Variants in DUOX2 observed in about 807,000 individuals in gnomAD.
DUOX2 encodes the protein dual oxidase 2, also known as NADH/NADPH thyroid oxidase p138-tox.
Under a neutral mutation model 183.3 loss-of-function variants are expected in DUOX2, and 185 were observed. The observed-to-expected ratio is 1.01, with a 90% CI of 0.90 to 1.14. The LOEUF (loss-of-function observed/expected upper bound fraction) is 1.14, where lower values mean the gene tolerates loss of function less well. DUOX2 is among the 50% of genes most tolerant of loss of function. DUOX2 has a pLI of 0.00. For missense variants in DUOX2, 1,999 were observed against 2,022.9 expected (o/e 0.99, Z 0.23); for synonymous variants, 788 against 812.4 (o/e 0.97, Z 0.51).
At chr15:45,100,620 T>A (rs770792274) in intron 23 of DUOX2, 135 bp downstream of exon 23, 3 of 838,580 alleles carry the variant, frequency 3.6e-6, no homozygotes, top group Non-Finnish European at 6.3e-6. Flanking sequence ...CACTGTAACC[T>A]CTCAGTCAGG....
At chr15:45,107,992 G>T in intron 13 of DUOX2, 55 bp downstream of exon 13, 2 of 1,608,066 alleles carry the variant, frequency 1.2e-6, no homozygotes, top group Non-Finnish European at 8.5e-7. Flanking sequence ...CTAGACAGAG[G>T]GTCTGGGGCT....
chr15:45,106,811 A>C, intron 15 of DUOX2, 21 bp downstream of exon 15: 1 of 1,598,052 alleles, frequency 6.3e-7, no homozygotes, highest in South Asian at 1.1e-5. Context: ...CAGTCTGCAG[A>C]GAGGCTGCCT....
chr15:45,095,232 G>T (rs1893869906), intron 31 of DUOX2, 141 bp from the exon 32 acceptor site: 1 of 1,408,054 alleles, frequency 7.1e-7, no homozygotes, highest in African/African-American at 1.4e-5. Context: ...CTGATCCCAG[G>T]CTTCCAACTG....
intron 33 of DUOX2, 112 bp from the exon 34 acceptor site, chr15:45,094,384 C>A: frequency 6.4e-7 from 1 of 1,572,940 alleles, no homozygotes; most frequent in Non-Finnish European, 8.7e-7. Context: ...AAGCCCAGGC[C>A]TTGAGGAGGA....
In DUOX2 at chr15:45,099,701, A is replaced by G. The variant is rs1043807777; in HGVS notation, c.3376T>C (p.Phe1126Leu). The change falls in exon 25 of 34, where the codon TTC (phenylalanine) becomes CTC (leucine). Residue 1126 changes from phenylalanine (F) to leucine (L), a missense_variant. By Grantham distance (22) the Phe-to-Leu change is conservative (BLOSUM62 0). Coordinates refer to ENST00000389039, the MANE Select transcript of DUOX2 (RefSeq NM_001363711.2). ...RYVPFDAAVDFHRWIAMAAVV... is the reference protein window; with the variant it reads ...RYVPFDAAVDLHRWIAMAAVV... ...GCAGCCATGGCGATCCAGCGGTGGA[A>G]GTCCACTGCGGCATCAAAAGGCACA... The G allele has an allele frequency of 6.2e-7, 1 of 1,614,222 alleles. No individual in the cohort carries two copies. Among genetic ancestry groups the G allele is most frequent in the South Asian group, 1.1e-5 (1 of 91,084 alleles).
chr15:45,106,408 G>T, intron 16 of DUOX2, 81 bp from the exon 17 acceptor site: 8 of 1,593,954 alleles, frequency 5.0e-6, no homozygotes, highest in Non-Finnish European at 6.9e-6. Flanking sequence ...CTGTGAGTCT[G>T]AGCAGGCGCC....
intron 29 of DUOX2, 88 bp from the exon 30 acceptor site, chr15:45,096,148 C>T (rs1893895274): frequency 8.5e-7 from 1 of 1,172,436 alleles, no homozygotes; most frequent in South Asian, 1.3e-5. Context: ...CTTCACACCC[C>T]TGAGGCCTGG....
intron 21 of DUOX2, 137 bp downstream of exon 21, chr15:45,101,656 C>T (rs578018177): frequency 1.8e-6 from 2 of 1,123,014 alleles, no homozygotes; most frequent in East Asian, 2.5e-5. Context: ...CATGTGCCAT[C>T]CCAATTACAT....
chr15:45,100,810 C>T lies in DUOX2; in HGVS notation c.2950G>A (p.Ala984Thr), dbSNP rs138358075. Residue 984 changes from alanine (A) to threonine (T), a missense_variant, in exon 23 of 34, where the codon GCC becomes ACC. By Grantham distance (58) the Ala-to-Thr change is moderately conservative. Coordinates refer to ENST00000389039, the MANE Select transcript of DUOX2 (RefSeq NM_001363711.2). ...CCTCCCAGCTCTGGGGCTTCTGGGGCAGGGGGCCCCAGTCCCTGGGGGTGG... is the reference window on the plus strand; with the variant it reads ...CCTCCCAGCTCTGGGGCTTCTGGGGTAGGGGGCCCCAGTCCCTGGGGGTGG... ...RSHPQGLGPP[A>T]PEAPELGGPG... 6.2e-7 allele frequency: 1 copy of T among 1,613,930 alleles called. No individual in the cohort carries two copies. The highest frequency in any genetic ancestry group is 8.5e-7 in the Non-Finnish European group (1 of 1,179,876).
chr15:45,105,573 G>A (rs879204914), intron 18 of DUOX2, 70 bp downstream of exon 18: 303 of 1,592,886 alleles, frequency 1.9e-4, no homozygotes, highest in Non-Finnish European at 2.4e-4. Flanking sequence ...CCACAGGGGC[G>A]TTCTATGCAG....
chr15:45,100,215 TG>T lies in DUOX2; in HGVS notation c.3018del (p.Thr1007LeufsTer18). 6.2e-7 allele frequency: 1 copy of T among 1,613,260 alleles called. No individual in the cohort carries two copies. On this transcript the variant is annotated frameshift_variant, in exon 24 of 34. Coordinates refer to ENST00000389039, the MANE Select transcript of DUOX2 (RefSeq NM_001363711.2). LOFTEE classifies it high-confidence loss of function. ...AGCGCCTCTGTGTACAGCCGGGGAG[TG>T]GGCACTGCTGCCCTATAGCAAGGGG... is the stretch of plus-strand genomic sequence containing the variant. Reference protein sequence around the residue: ...KKRFGKKAAVPTPRLYTEALQ... With the variant: ...KKRFGKKAAVXTPRLYTEALQ...
rs567703268 is a variant in DUOX2 at position 45,099,415 on chromosome 15, G to A, written c.3483C>T (p.Ala1161=). 7.6e-4 allele frequency: 1,224 copies of A among 1,614,118 alleles called. 15 individuals are homozygous for A. The South Asian group carries it at 0.012, about 16-fold the overall frequency. ...IFSVSPLSLL[A]CIFPNVFVND... ...TCACAAAGACGTTGGGGAATATGCAGGCCAGCAGGCTGAGTGGGCTGACTG... is the reference window on the plus strand; with the variant it reads ...TCACAAAGACGTTGGGGAATATGCAAGCCAGCAGGCTGAGTGGGCTGACTG... Residue 1161 remains alanine, a synonymous_variant, in exon 26 of 34, where the codon GCC becomes GCT. Transcript: ENST00000389039.
At position 45,111,518 on chromosome 15, in the gene DUOX2, G is replaced by C. The variant is rs754809338; in HGVS notation, c.581C>G (p.Ala194Gly). The C allele has an allele frequency of 1.3e-6, 2 of 1,553,104 alleles. No homozygotes were observed. Among genetic ancestry groups the C allele is most frequent in the Non-Finnish European group, 1.7e-6 (2 of 1,152,100 alleles). The stretch of plus-strand genomic sequence containing the variant: ...CTGTCCCCCCGAGAAGCTCCGCAGC[G>C]CGTCGCTCCAGGAGTGCGAGGAGCC... ...IYGSSHSWSDALRSFSGGQLA... is the reference protein window; with the variant it reads ...IYGSSHSWSDGLRSFSGGQLA... The change falls in exon 6 of 34, where the codon GCG becomes GGG. Residue 194 changes from alanine (A) to glycine (G), a missense_variant. Physicochemically the swap from Ala to Gly is moderately conservative, Grantham distance 60. Coordinates refer to ENST00000389039, the MANE Select transcript of DUOX2 (RefSeq NM_001363711.2).
At chr15:45,100,871 G>A (rs1177082502) in intron 22 of DUOX2, 33 bp from the exon 23 acceptor site, 2 of 1,493,628 alleles carry the variant, frequency 1.3e-6, no homozygotes, top group Middle Eastern at 3.4e-4. Context: ...TTCTCCCCTT[G>A]TCTTTGCAGC....
chr15:45,101,456 C>T (rs1052163888), intron 21 of DUOX2, 182 bp from the exon 22 acceptor site: 33 of 678,222 alleles, frequency 4.9e-5, no homozygotes, highest in Admixed American at 1.1e-4. Flanking sequence ...CAACTTTGCA[C>T]AAGAAAGGGG....
intron 10 of DUOX2, 33 bp downstream of exon 10, chr15:45,109,857 C>A (rs769076002): frequency 6.3e-7 from 1 of 1,598,848 alleles, no homozygotes; most frequent in Admixed American, 1.7e-5. Context: ...CTGACCTTGA[C>A]CCATCTTCCC....
rs375397350 is a variant in DUOX2 at position 45,105,727 on chromosome 15, G to T, written c.2250C>A (p.Ser750Arg). The change falls in exon 18 of 34, where the codon AGC (serine) becomes AGA (arginine). Residue 750 changes from serine (S) to arginine (R), a missense_variant. Ser to Arg is a moderately radical substitution (Grantham distance 110). Coordinates refer to ENST00000389039, the MANE Select transcript of DUOX2 (RefSeq NM_001363711.2). ...CAGCCTTCCTAAATAGCTCCTTCTC[G>T]CTCATCTCAGCCACATGGAGGCCCA... ...WALGLHVAEM[S>R]EKELFRKAVT... is the part of the protein sequence containing the mutation. The T allele has an allele frequency of 6.2e-7, 1 of 1,614,190 alleles. No individual in the cohort carries two copies. Among genetic ancestry groups the T allele is most frequent in the Non-Finnish European group, 8.5e-7 (1 of 1,180,038 alleles).
chr15:45,112,092 G>T, intron 4 of DUOX2, 137 bp from the exon 5 acceptor site: 1 of 991,578 alleles, frequency 1.0e-6, no homozygotes, highest in Non-Finnish European at 1.5e-6. Flanking sequence ...CTGCACGTTA[G>T]CCCCAGGTAG....
At position 45,108,825 on chromosome 15, in the gene DUOX2, C is replaced by T; in HGVS notation, c.1362G>A (p.Arg454=). Reference sequence around the variant, plus strand: ...CATTAGGGTTGAGATCACTCCAGTTCCTTGGGATGTCCAGCCCAAAGGCCA... The same window carrying T: ...CATTAGGGTTGAGATCACTCCAGTTTCTTGGGATGTCCAGCCCAAAGGCCA... ...ALLAFGLDIP[R]NWSDLNPNVD... is the part of the protein sequence containing the mutation. Residue 454 remains arginine (R), a synonymous_variant, in exon 12 of 34, where the codon AGG becomes AGA. Coordinates refer to ENST00000389039, the MANE Select transcript of DUOX2 (RefSeq NM_001363711.2). 1 of 1,614,242 alleles carries T rather than the reference C, an allele frequency of 6.2e-7. No individual in the cohort carries two copies. The highest frequency in any genetic ancestry group is 8.5e-7 in the Non-Finnish European group (1 of 1,180,046).
Sources: gnomAD v4.1 joint callset for allele counts on GRCh38, gnomAD v4.1.1 for gene constraint, MANE v1.5 for transcripts, NCBI Gene and HGNC (gene_info 2026-07-23, HGNC 2026-07-21) for gene names.